Variants in NXPH1 observed in about 807,000 individuals in gnomAD.
NXPH1 encodes neurexophilin-1.
NXPH1 carries 5 observed loss-of-function variants against 23.7 expected under a neutral mutation model. The observed-to-expected ratio is 0.21, with a 90% CI of 0.11 to 0.44. The LOEUF is 0.44. Among genes scored for constraint, NXPH1 ranks in the 20% least tolerant of loss-of-function variants. NXPH1 has a pLI of 0.99. For missense variants in NXPH1, 324 were observed against 321.6 expected, an observed-to-expected ratio of 1.01 and a Z score of -0.06; for synonymous variants, 144 against 122.2, an observed-to-expected ratio of 1.18 and a Z score of -1.18.
chr7:8,628,385 T>TTTTTTTC (rs1265965735), intron 2 of NXPH1, among the ~76,000 whole-genome samples: 3,769 of 147,962 alleles, frequency 0.025, 201 homozygotes, highest in East Asian at 0.16. Flanking sequence ...TTTTTTTTTT[T>TTTTTTTC]AGATAATGTA....
At chr7:8,699,966 C>G (rs1779597084) in intron 2 of NXPH1, among the ~76,000 whole-genome samples, 1 of 152,104 alleles carries the variant, frequency 6.6e-6, no homozygotes, top group South Asian at 2.1e-4. Context: ...AATCAAATTA[C>G]TTGGTTTAGG....
chr7:8,477,262 G>A (rs1816990760), intron 2 of NXPH1, among the ~76,000 whole-genome samples: 1 of 152,110 alleles, frequency 6.6e-6, no homozygotes, highest in Non-Finnish European at 1.5e-5. Flanking sequence ...AGACTGATAT[G>A]CTTGTATACA....
rs141865976 is a variant in NXPH1 at position 8,530,640 on chromosome 7, G to T, written c.54+94873G>T. On this transcript the variant is annotated intron_variant, in intron 2 of 2. Transcript: ENST00000405863. ...AGTGTCAGTGAAAACTTGCCTGGAG[G>T]GGCATGAGGGAGGAGGTGAGTCAAC... Among the ~76,000 whole-genome samples, 546 of 152,324 alleles carry T rather than the reference G, an allele frequency of 3.6e-3. 1 individual carries two copies. The highest frequency in any genetic ancestry group is 0.012 in the African/African-American group (518 of 41,580).
intron 2 of NXPH1, among the ~76,000 whole-genome samples, chr7:8,636,602 T>C (rs1189758969): frequency 6.6e-6 from 1 of 152,192 alleles, no homozygotes; most frequent in East Asian, 1.9e-4. Flanking sequence ...TTAGTGAGTA[T>C]GGCATCCCAT....
At chr7:8,483,153 C>G (rs1485857764) in intron 2 of NXPH1, among the ~76,000 whole-genome samples, 1 of 151,958 alleles carries the variant, frequency 6.6e-6, no homozygotes, top group Non-Finnish European at 1.5e-5. Context: ...CAAAAATTCC[C>G]TATTAATAGT....
chr7:8,476,178 C>T (rs1193973412), intron 2 of NXPH1, among the ~76,000 whole-genome samples: 1 of 152,078 alleles, frequency 6.6e-6, no homozygotes, highest in African/African-American at 2.4e-5. Context: ...GACTTAATTA[C>T]CTTTCCCTAT....
chr7:8,663,843 C>A (rs1302857163), intron 2 of NXPH1, among the ~76,000 whole-genome samples: 1 of 152,010 alleles, frequency 6.6e-6, no homozygotes, highest in African/African-American at 2.4e-5. Flanking sequence ...GAAGAAAGAT[C>A]TGGTCATCAG....
chr7:8,696,604 C>T (rs77893982), intron 2 of NXPH1, among the ~76,000 whole-genome samples: 12,347 of 152,022 alleles, frequency 0.081, 754 homozygotes, highest in East Asian at 0.18. Context: ...CAGTAATTTC[C>T]AGGCATATAG....
At chr7:8,486,505 C>T (rs552437568) in intron 2 of NXPH1, among the ~76,000 whole-genome samples, 1 of 152,272 alleles carries the variant, frequency 6.6e-6, no homozygotes, top group East Asian at 1.9e-4. Flanking sequence ...ATAAGACTGC[C>T]TTCTGCCACA....
intron 2 of NXPH1, among the ~76,000 whole-genome samples, chr7:8,632,450 C>A (rs77473326): frequency 0.015 from 2,339 of 152,252 alleles, 68 homozygotes; most frequent in African/African-American, 0.054. Flanking sequence ...AGCCTCATTT[C>A]TGACTACTTC....
At position 8,693,066 on chromosome 7, in the gene NXPH1, G is replaced by A. The variant is rs116946334; in HGVS notation, c.55-57942G>A. ...AAAGAGGCAAGTGAAGGGGCAAGGA[G>A]GAAAAATTTAGAGTGGAAATGGAAC... On this transcript the variant is annotated intron_variant, in intron 2 of 2. Coordinates refer to ENST00000405863, the MANE Select transcript of NXPH1 (RefSeq NM_152745.3). Among the ~76,000 whole-genome samples, 364 of 152,174 alleles carry A rather than the reference G, an allele frequency of 2.4e-3. 15 individuals are homozygous for A. In the East Asian group the frequency reaches 0.063, roughly 26 times the overall value.
At chr7:8,718,045 C>A (rs1779906970) in intron 2 of NXPH1, among the ~76,000 whole-genome samples, 1 of 151,954 alleles carries the variant, frequency 6.6e-6, no homozygotes, top group African/African-American at 2.4e-5. Flanking sequence ...TAATGTATTT[C>A]TGGTACAATA....
intron 2 of NXPH1, among the ~76,000 whole-genome samples, chr7:8,731,414 G>A (rs974722517): frequency 3.9e-5 from 6 of 152,162 alleles, no homozygotes; most frequent in Non-Finnish European, 7.4e-5. Context: ...GAGGAGAGGC[G>A]CTCTGCTTTT....
chr7:8,485,641 T>C (rs751008813), intron 2 of NXPH1, among the ~76,000 whole-genome samples: 5 of 152,120 alleles, frequency 3.3e-5, no homozygotes, highest in Non-Finnish European at 5.9e-5. Context: ...AGTATTTTGC[T>C]TAAGTGGAGG....
intron 2 of NXPH1, among the ~76,000 whole-genome samples, chr7:8,556,527 A>G (rs187422136): frequency 4.6e-5 from 7 of 151,702 alleles, no homozygotes; most frequent in African/African-American, 1.2e-4. Context: ...AGAGTGATCA[A>G]TGAGTTCCGA....
chr7:8,673,353 G>C (rs1462657307), intron 2 of NXPH1, among the ~76,000 whole-genome samples: 1 of 152,122 alleles, frequency 6.6e-6, no homozygotes, highest in Non-Finnish European at 1.5e-5. Flanking sequence ...CAAGTTCTCA[G>C]ATATAAGTTG....
chr7:8,626,771 T>C (rs1303589157), intron 2 of NXPH1, among the ~76,000 whole-genome samples: 5 of 152,120 alleles, frequency 3.3e-5, no homozygotes, highest in African/African-American at 1.2e-4. Context: ...AACAGTAAAG[T>C]AGTAATTTCT....
chr7:8,524,805 A>T (rs1390396766), intron 2 of NXPH1, among the ~76,000 whole-genome samples: 1 of 152,134 alleles, frequency 6.6e-6, no homozygotes, highest in African/African-American at 2.4e-5. Flanking sequence ...GTAAGATGTG[A>T]CTTTTGCCTC....
intron 2 of NXPH1, among the ~76,000 whole-genome samples, chr7:8,616,097 C>T (rs1819730238): frequency 2.0e-5 from 3 of 152,110 alleles, no homozygotes; most frequent in South Asian, 4.1e-4. Context: ...GAATAAATCT[C>T]GTAGTTCTTA....
Sources: gnomAD v4.1 joint callset for allele counts (sites outside exome capture counted in the v4.1 genomes callset) on GRCh38, gnomAD v4.1.1 for gene constraint, MANE v1.5 for transcripts, NCBI Gene and HGNC (gene_info 2026-07-23, HGNC 2026-07-21) for gene names.